Variants in PRKCI observed in about 807,000 individuals in gnomAD.
The protein encoded by PRKCI is protein kinase C iota.
PRKCI carries 43 observed loss-of-function variants against 84.0 expected under a neutral mutation model. The observed-to-expected ratio is 0.51, with a 90% CI of 0.40 to 0.66. The LOEUF is 0.66. PRKCI is among the 30% of genes least tolerant of loss of function. PRKCI has a pLI of 0.00. For synonymous variants in PRKCI, 216 were observed against 234.4 expected, an observed-to-expected ratio of 0.92 and a Z score of 0.72; for missense variants, 459 against 745.6, an observed-to-expected ratio of 0.62 and a Z score of 4.48.
At chr3:170,252,384 TA>T (rs1733474167) in intron 2 of PRKCI, among the ~76,000 whole-genome samples, 1 of 152,212 alleles carries the variant, frequency 6.6e-6, no homozygotes, top group African/African-American at 2.4e-5. Flanking sequence ...TGTATGTGTT[TA>T]TGGGGTACAT....
chr3:170,245,949 GT>G (rs112482352), intron 2 of PRKCI, among the ~76,000 whole-genome samples: 24,372 of 82,328 alleles, frequency 0.3, 1,930 homozygotes, highest in South Asian at 0.34. Context: ...TTATGTCTTT[GT>G]TTTTTTTTTT....
At chr3:170,239,132 T>G (rs1429156517) in intron 2 of PRKCI, among the ~76,000 whole-genome samples, 1 of 152,192 alleles carries the variant, frequency 6.6e-6, no homozygotes, top group African/African-American at 2.4e-5. Context: ...AATGAGAGGA[T>G]TTTTTCATTC....
chr3:170,303,018 A>G (rs1402257016), intron 17 of PRKCI, 22 bp from the exon 18 acceptor site: 20 of 1,532,084 alleles, frequency 1.3e-5, no homozygotes, highest in Non-Finnish European at 1.5e-5. Flanking sequence ...TGATGAAAAT[A>G]AATTTATTTT....
At chr3:170,288,611 T>C (rs1332610892) in intron 12 of PRKCI, among the ~76,000 whole-genome samples, 1 of 152,070 alleles carries the variant, frequency 6.6e-6, no homozygotes, top group African/African-American at 2.4e-5. Context: ...TAGCCAGGTG[T>C]GGTGGCGAGT....
intron 9 of PRKCI, among the ~76,000 whole-genome samples, chr3:170,280,718 A>G (rs6776125): frequency 0.064 from 9,791 of 152,178 alleles, 675 homozygotes; most frequent in African/African-American, 0.17. Context: ...CAAAGTTGCT[A>G]GGAATATAGG....
intron 8 of PRKCI, among the ~76,000 whole-genome samples, chr3:170,278,188 A>C (rs1017372218): frequency 1.3e-5 from 2 of 151,904 alleles, no homozygotes; most frequent in African/African-American, 4.8e-5. Flanking sequence ...GGTGAAGTTA[A>C]CTCTATCTTT....
intron 8 of PRKCI, among the ~76,000 whole-genome samples, chr3:170,278,048 T>C (rs374705392): frequency 2.0e-5 from 3 of 152,264 alleles, no homozygotes; most frequent in East Asian, 3.8e-4. Flanking sequence ...TCTTTCACTT[T>C]CACTTTGTGA....
chr3:170,291,995 T>C (rs777188617), intron 13 of PRKCI, 54 bp downstream of exon 13: 166 of 1,251,946 alleles, frequency 1.3e-4, no homozygotes, highest in Non-Finnish European at 1.9e-4. Flanking sequence ...GGTGGTAAAA[T>C]GTGGTACCAA....
At chr3:170,234,516 GTAAC>G (rs1261620600) in intron 1 of PRKCI, among the ~76,000 whole-genome samples, 2 of 152,120 alleles carry the variant, frequency 1.3e-5, no homozygotes, top group African/African-American at 4.8e-5. Context: ...GATATCCAGT[GTAAC>G]TAATTTTTTC....
chr3:170,251,342 G>A (rs1345901544), intron 2 of PRKCI, among the ~76,000 whole-genome samples: 1 of 152,134 alleles, frequency 6.6e-6, no homozygotes, highest in Non-Finnish European at 1.5e-5. Flanking sequence ...GAAAAAGAAA[G>A]TTTGGAAAGA....
intron 17 of PRKCI, among the ~76,000 whole-genome samples, chr3:170,300,392 C>A (rs1734792383): frequency 6.6e-6 from 1 of 152,160 alleles, no homozygotes; most frequent in Admixed American, 6.5e-5. Context: ...CTGCTATTTT[C>A]CTAGACCTGT....
rs1368197410 is a variant in PRKCI at position 170,254,098 on chromosome 3, A to C, written c.224-5871A>C. On this transcript the variant is annotated intron_variant, in intron 2 of 17. Transcript: ENST00000295797. ...GGTGACAGAGCAAGATCCGTTTCCA[A>C]AAAAAAAAAAGGAAAAATGTCTATT... 2.0e-5 allele frequency among the ~76,000 whole-genome samples: 3 copies of C among 149,386 alleles called. No individual in the cohort carries two copies. In the East Asian group the frequency reaches 5.8e-4, roughly 29 times the overall value.
At chr3:170,245,048 G>A (rs1288953788) in intron 2 of PRKCI, among the ~76,000 whole-genome samples, 1 of 151,930 alleles carries the variant, frequency 6.6e-6, no homozygotes, top group Non-Finnish European at 1.5e-5. Context: ...TACTGGGAGG[G>A]GAATGCAAAA....
At chr3:170,241,130 G>A (rs1234624603) in intron 2 of PRKCI, among the ~76,000 whole-genome samples, 1 of 151,986 alleles carries the variant, frequency 6.6e-6, no homozygotes, top group Non-Finnish European at 1.5e-5. Context: ...ATATGTTGTG[G>A]AATGAAAAAA....
intron 5 of PRKCI, 76 bp downstream of exon 5, chr3:170,268,076 T>C (rs570422159): frequency 1.1e-5 from 13 of 1,200,388 alleles, no homozygotes; most frequent in East Asian, 2.5e-5. Flanking sequence ...AAAGGTAGTT[T>C]GTTATTAAGT....
chr3:170,299,079 A>G lies in PRKCI; in HGVS notation c.1672A>G (p.Asn558Asp). 1 of 1,611,846 alleles carries G rather than the reference A, an allele frequency of 6.2e-7. No individual in the cohort carries two copies. Among genetic ancestry groups the G allele is most frequent in the Non-Finnish European group, 8.5e-7 (1 of 1,178,912 alleles). The change falls in exon 17 of 18, where the codon AAT becomes GAT. Residue 558 changes from asparagine (N) to aspartate (D), a missense_variant. By Grantham distance (23) the Asn-to-Asp change is conservative (BLOSUM62 1). Transcript: ENST00000295797. Reference sequence around the variant, plus strand: ...GGACAACTTTGATTCTCAGTTTACTAATGAACCTGTCCAGCTCACTCCAGA... The same window carrying G: ...GGACAACTTTGATTCTCAGTTTACTGATGAACCTGTCCAGCTCACTCCAGA... ...GLDNFDSQFT[N>D]EPVQLTPDDD...
intron 8 of PRKCI, among the ~76,000 whole-genome samples, chr3:170,278,073 A>G (rs557594946): frequency 3.2e-4 from 49 of 152,164 alleles, no homozygotes; most frequent in Non-Finnish European, 3.5e-4. Context: ...CTTTTGCAGG[A>G]TAGAGAATTC....
rs1425394515 is a variant in PRKCI at position 170,281,169 on chromosome 3, A to G, written c.886A>G (p.Ile296Val). Residue 296 changes from isoleucine to valine, a missense_variant, in exon 10 of 18, where the codon ATT (isoleucine) becomes GTT (valine). Physicochemically the swap from Ile to Val is conservative, Grantham distance 29. Coordinates refer to ENST00000295797, the MANE Select transcript of PRKCI (RefSeq NM_002740.6). ...TTTCTTACATGTTTCAAAATAGGAT[A>G]TTGATTGGGTACAGACAGAGAAGCA... ...KKELVNDDEDIDWVQTEKHVF... is the reference protein window; with the variant it reads ...KKELVNDDEDVDWVQTEKHVF... 1 of 1,611,042 alleles carries G rather than the reference A, an allele frequency of 6.2e-7. No individual in the cohort carries two copies. The highest frequency in any genetic ancestry group is 8.5e-7 in the Non-Finnish European group (1 of 1,178,186).
At chr3:170,238,798 G>T (rs979105464) in intron 2 of PRKCI, among the ~76,000 whole-genome samples, 1 of 151,970 alleles carries the variant, frequency 6.6e-6, no homozygotes, top group Non-Finnish European at 1.5e-5. Context: ...CACCATGTTG[G>T]CCAGGCTGGT....
Sources: allele counts gnomAD v4.1 joint callset (sites outside exome capture counted in the v4.1 genomes callset), GRCh38; gene constraint gnomAD v4.1.1; transcripts MANE v1.5; gene names NCBI Gene and HGNC (gene_info 2026-07-23, HGNC 2026-07-21).